Variants in CTNNA2 observed in about 807,000 individuals in gnomAD.
CTNNA2 encodes catenin alpha 2.
Under a neutral mutation model 101.0 loss-of-function variants are expected in CTNNA2, and 42 were observed. The observed-to-expected ratio is 0.42, with a 90% CI of 0.32 to 0.54. The LOEUF is 0.54. CTNNA2 is among the 20% of genes least tolerant of loss of function. The probability of loss-of-function intolerance (pLI) is 0.14; values close to 1 mark genes in which losing one functional copy is unlikely to be tolerated. For missense variants in CTNNA2, 871 were observed against 1,223.1 expected (o/e 0.71, Z 4.29); for synonymous variants, 450 against 456.4 (o/e 0.99, Z 0.18).
intron 7 of CTNNA2, among the ~76,000 whole-genome samples, chr2:80,026,474 G>T (rs1694933754): frequency 6.6e-6 from 1 of 152,118 alleles, no homozygotes; most frequent in South Asian, 2.1e-4. Context: ...GGTACTGCTG[G>T]ACAGTTTTCC....
At chr2:79,527,309 C>T (rs1369287984) in intron 1 of CTNNA2, among the ~76,000 whole-genome samples, 3 of 151,812 alleles carry the variant, frequency 2.0e-5, no homozygotes, top group Admixed American at 1.3e-4. Flanking sequence ...CAATGAAATA[C>T]GAGATCACAC....
chr2:79,361,519 A>G (rs1310403147), intron 3 of CTNNA2, among the ~76,000 whole-genome samples: 1 of 152,302 alleles, frequency 6.6e-6, no homozygotes, highest in East Asian at 1.9e-4. Flanking sequence ...CATTTTATAC[A>G]ATTAGGAGAG....
chr2:79,809,521 G>T (rs991183039), intron 3 of CTNNA2, among the ~76,000 whole-genome samples: 2 of 152,110 alleles, frequency 1.3e-5, no homozygotes, highest in Non-Finnish European at 1.5e-5. Context: ...GTTTTGATTT[G>T]CATTTCTCTA....
chr2:80,507,979 C>T (rs1434170267), intron 9 of CTNNA2, among the ~76,000 whole-genome samples: 1 of 152,138 alleles, frequency 6.6e-6, no homozygotes, highest in African/African-American at 2.4e-5. Flanking sequence ...TCACTGCATC[C>T]TGGAGAGGCC....
In CTNNA2 at chr2:80,326,885, C is replaced by T. The variant is rs1670856649; in HGVS notation, c.1057-66326C>T. On this transcript the variant is annotated intron_variant, in intron 7 of 18. Coordinates refer to ENST00000402739, the MANE Select transcript of CTNNA2 (RefSeq NM_001282597.3). ...TCTCTGCTGTCTCTTCTCTTCCATC[C>T]CTCCTTCCCTTTTACACACTTTTTC... Among the ~76,000 whole-genome samples, 3 of 152,018 alleles carry T rather than the reference C, an allele frequency of 2.0e-5. No homozygotes were observed. The South Asian group carries it at 6.2e-4, about 32-fold the overall frequency.
At chr2:80,087,113 G>C (rs1237130454) in intron 7 of CTNNA2, among the ~76,000 whole-genome samples, 1 of 151,926 alleles carries the variant, frequency 6.6e-6, no homozygotes, top group Non-Finnish European at 1.5e-5. Context: ...CAATTGTTAG[G>C]CCTGTTATAA....
rs1356237635 is a variant in CTNNA2 at position 79,344,812 on chromosome 2, T to A, written c.-317-29019T>A. Reference sequence around the variant, plus strand: ...ATCAATTTCTCAGCTATATATATATTTATATATATAATATATAATATATAT... The same window carrying A: ...ATCAATTTCTCAGCTATATATATATATATATATATAATATATAATATATAT... On this transcript the variant is annotated intron_variant, in intron 3 of 21. Transcript: ENST00000466387. Among the ~76,000 whole-genome samples the A allele has an allele frequency of 2.1e-5, 3 of 145,828 alleles. No individual in the cohort carries two copies. In the Admixed American group the frequency reaches 2.1e-4, roughly 10 times the overall value.
At chr2:79,477,168 C>CTTTTT (rs5832392) in intron 4 of CTNNA2, among the ~76,000 whole-genome samples, 64 of 123,144 alleles carry the variant, frequency 5.2e-4, no homozygotes, top group Non-Finnish European at 7.1e-4. Flanking sequence ...TCTTTTTTTT[C>CTTTTT]TTTTTTTTTT....
intron 1 of CTNNA2, among the ~76,000 whole-genome samples, chr2:79,634,180 G>A (rs1363124806): frequency 6.6e-6 from 1 of 152,196 alleles, no homozygotes; most frequent in Admixed American, 6.5e-5. Flanking sequence ...TTGTTGTGCT[G>A]TGTTCCCTGA....
At chr2:79,860,788 A>G (rs921586114) in intron 4 of CTNNA2, among the ~76,000 whole-genome samples, 1 of 152,060 alleles carries the variant, frequency 6.6e-6, no homozygotes, top group African/African-American at 2.4e-5. Context: ...CTCATGAACT[A>G]TTGCCCCTAC....
At chr2:80,362,106 G>C (rs1674467686) in intron 7 of CTNNA2, among the ~76,000 whole-genome samples, 1 of 152,060 alleles carries the variant, frequency 6.6e-6, no homozygotes, top group Non-Finnish European at 1.5e-5. Context: ...TATGACATGA[G>C]GCAGTTTTGC....
At chr2:80,546,084 C>A (rs914035141) in intron 11 of CTNNA2, 21 bp downstream of exon 11, 3 of 1,612,060 alleles carry the variant, frequency 1.9e-6, no homozygotes, top group Non-Finnish European at 2.5e-6. Context: ...CAAACAGGTC[C>A]CTTACAAGGC....
intron 7 of CTNNA2, among the ~76,000 whole-genome samples, chr2:80,201,367 CT>C (rs60448795): frequency 0.12 from 9,878 of 80,928 alleles, 117 homozygotes; most frequent in Non-Finnish European, 0.16. Context: ...CTTTTTCTTT[CT>C]TTTTTTTTTT....
rs116113031 is a variant in CTNNA2 at position 79,814,152 on chromosome 2, C to T, written c.299-43861C>T. ...CATCTTAACTAATACATGAGTGCTC[C>T]CCCAACTTTTATATATATGATTTCA... is the stretch of plus-strand genomic sequence containing the variant. On this transcript the variant is annotated intron_variant, in intron 3 of 18. Transcript: ENST00000402739. Among the ~76,000 whole-genome samples the T allele has an allele frequency of 2.0e-3, 299 of 152,236 alleles. 1 individual carries two copies. Among genetic ancestry groups the T allele is most frequent in the African/African-American group, 6.9e-3 (288 of 41,554 alleles).
At chr2:79,420,782 T>TAG (rs376460470) in intron 4 of CTNNA2, among the ~76,000 whole-genome samples, 4 of 152,086 alleles carry the variant, frequency 2.6e-5, no homozygotes, top group African/African-American at 9.7e-5. Context: ...ATAAGCCGTT[T>TAG]CTCCTCCCTG....
chr2:79,788,773 A>C (rs1213738534), intron 3 of CTNNA2, among the ~76,000 whole-genome samples: 1 of 152,202 alleles, frequency 6.6e-6, no homozygotes, highest in Non-Finnish European at 1.5e-5. Flanking sequence ...TGCTCTTTTG[A>C]ATACAGATAT....
At chr2:79,697,544 G>A (rs1040972897) in intron 2 of CTNNA2, among the ~76,000 whole-genome samples, 4 of 152,038 alleles carry the variant, frequency 2.6e-5, no homozygotes, top group Non-Finnish European at 4.4e-5. Flanking sequence ...TGTGATTTAA[G>A]TGTTTGATTG....
intron 4 of CTNNA2, among the ~76,000 whole-genome samples, chr2:79,480,334 A>G (rs1366898728): frequency 1.3e-5 from 2 of 152,190 alleles, no homozygotes; most frequent in Non-Finnish European, 2.9e-5. Context: ...TGGAGGGGTC[A>G]AACAAACCAT....
chr2:80,618,846 TC>T, intron 17 of CTNNA2: 1 of 307,686 alleles, frequency 3.3e-6, no homozygotes, highest in Non-Finnish European at 5.9e-6. Flanking sequence ...TTCATTCTCC[TC>T]CCACATGGTT....
Sources: gnomAD v4.1 joint callset for allele counts (sites outside exome capture counted in the v4.1 genomes callset) on GRCh38, gnomAD v4.1.1 for gene constraint, MANE v1.5 for transcripts, NCBI Gene and HGNC (gene_info 2026-07-23, HGNC 2026-07-21) for gene names.